Variants in GSDMB observed in about 807,000 individuals in gnomAD.
GSDMB encodes the protein gasdermin-B.
Under a neutral mutation model 42.9 loss-of-function variants are expected in GSDMB, and 32 were observed. The ratio of observed to expected loss-of-function variants is 0.75; its 90% CI spans 0.56 to 1.00. The LOEUF (loss-of-function observed/expected upper bound fraction) is 1.00, where lower values mean the gene tolerates loss of function less well. Among genes scored for constraint, GSDMB ranks in the 50% least tolerant of loss-of-function variants. GSDMB has a pLI of 0.00. For synonymous variants in GSDMB, 175 were observed against 193.7 expected (o/e 0.90, Z 0.80); for missense variants, 468 against 498.5 (o/e 0.94, Z 0.58).
rs1568101109 is a variant in GSDMB at position 39,906,279 on chromosome 17, G to A, written c.728-8C>T. 1.2e-6 allele frequency: 2 copies of A among 1,613,602 alleles called. No individual in the cohort carries two copies. Among genetic ancestry groups the A allele is most frequent in the East Asian group, 2.2e-5 (1 of 44,886 alleles). ...CCGAACCCAAAGACTTTCCTGTAGA[G>A]GCAGCAATTGAGAACCTGGGCCACC... On this transcript the variant is annotated splice_region_variant and splice_polypyrimidine_tract_variant and intron_variant, in intron 7 of 10. Coordinates refer to ENST00000418519, the MANE Select transcript of GSDMB (RefSeq NM_001165958.2).
intron 1 of GSDMB, 71 bp from the exon 2 acceptor site, chr17:39,917,401 T>C (rs755814516): frequency 2.1e-5 from 19 of 922,448 alleles, no homozygotes; most frequent in Admixed American, 1.1e-4. Context: ...CTTCCACATT[T>C]GGCAGCCTGA....
chr17:39,915,003 AT>A (rs1320974344), intron 2 of GSDMB, among the ~76,000 whole-genome samples: 1 of 151,824 alleles, frequency 6.6e-6, no homozygotes, highest in African/African-American at 2.4e-5. Flanking sequence ...CGCCCAGCTA[AT>A]TTTTGTATTT....
At chr17:39,915,169 G>A (rs1038191614) in intron 2 of GSDMB, among the ~76,000 whole-genome samples, 2 of 151,920 alleles carry the variant, frequency 1.3e-5, no homozygotes, top group African/African-American at 2.4e-5. Context: ...ACAGGGTTTC[G>A]CCATGTTGGC....
chr17:39,909,478 C>T, intron 4 of GSDMB: 2 of 416,878 alleles, frequency 4.8e-6, no homozygotes, highest in Non-Finnish European at 4.3e-6. Context: ...GGGTGGATTG[C>T]TTGAGCCCAG....
intron 10 of GSDMB, 185 bp from the exon 11 acceptor site, chr17:39,905,149 T>A (rs1419038060): frequency 4.8e-6 from 3 of 621,716 alleles, no homozygotes; most frequent in African/African-American, 3.7e-5. Flanking sequence ...TGCTAGTCAG[T>A]CTGCATGGGA....
At chr17:39,917,698 T>C (rs978000072) in intron 1 of GSDMB, 7 of 259,440 alleles carry the variant, frequency 2.7e-5, no homozygotes, top group Non-Finnish European at 4.6e-5. Context: ...CCCAAACATA[T>C]AAGAACTAAT....
chr17:39,908,324 CAAAA>C (rs3076830), intron 5 of GSDMB, 110 bp from the exon 6 acceptor site: 5,551 of 243,466 alleles, frequency 0.023, no homozygotes, highest in South Asian at 0.036. Flanking sequence ...AGCCTCCAAT[CAAAA>C]AAAAAAAAAA....
chr17:39,910,029 C>A, intron 3 of GSDMB, 105 bp from the exon 4 acceptor site: 1 of 876,166 alleles, frequency 1.1e-6, no homozygotes. Context: ...TTAATCGCTT[C>A]TGAGACTGGA....
At chr17:39,905,234 A>G in intron 10 of GSDMB, 192 bp downstream of exon 10, 1 of 608,094 alleles carries the variant, frequency 1.6e-6, no homozygotes, top group Non-Finnish European at 2.9e-6. Context: ...TAAAAAACAG[A>G]GCCTAAAGAA....
At chr17:39,915,894 G>A (rs950164982) in intron 2 of GSDMB, among the ~76,000 whole-genome samples, 2 of 152,142 alleles carry the variant, frequency 1.3e-5, no homozygotes, top group African/African-American at 4.8e-5. Flanking sequence ...GAAATGGACT[G>A]TATCAGAGAG....
rs775402822 is a variant in GSDMB at position 39,908,157 on chromosome 17, A to AACC, written c.700+18_700+19insGGT. 2.1e-6 allele frequency: 3 copies of AACC among 1,397,214 alleles called. No homozygotes were observed. In the African/African-American group the frequency reaches 4.2e-5, roughly 20 times the overall value. 86.6% of individuals were successfully genotyped at this position (1,397,214 alleles called of 1,614,324 possible). ...GCCCATTCTGAAATGACGAACGGGA[A>AACC]GCCCAGCAGCTCACTCACCTTCTGG... On this transcript the variant is annotated intron_variant, in intron 6 of 10. Transcript: ENST00000418519.
chr17:39,905,004 C>T (rs762799494), intron 10 of GSDMB, 40 bp from the exon 11 acceptor site: 34 of 1,573,974 alleles, frequency 2.2e-5, no homozygotes, highest in Non-Finnish European at 2.6e-5. Flanking sequence ...CTAGGAACAA[C>T]GATATACCAG....
Position 39,906,141 on chromosome 17 carries a change from C to T in GSDMB, c.858G>A (p.Lys286=). The change falls in exon 8 of 11, where the codon AAG becomes AAA. Residue 286 remains lysine (K), a synonymous_variant. Transcript: ENST00000418519. ...GCTCTAGATCCTGCCGAATATCCTC[C>T]TTGCCGAGGCACTTAGCGAGGGAGT... ...VLNSLAKCLG[K]EDIRQDLEQR... is the part of the protein sequence containing the mutation. 3 of 1,614,186 alleles carry T rather than the reference C, an allele frequency of 1.9e-6. No individual in the cohort carries two copies. Among genetic ancestry groups the T allele is most frequent in the Non-Finnish European group, 2.5e-6 (3 of 1,180,028 alleles).
At chr17:39,905,306 A>G in intron 10 of GSDMB, 120 bp downstream of exon 10, 1 of 699,250 alleles carries the variant, frequency 1.4e-6, no homozygotes, top group Non-Finnish European at 2.5e-6. Context: ...AGCTGCATGG[A>G]TGTGAGCCGG....
At chr17:39,914,657 G>A (rs994518089) in intron 2 of GSDMB, among the ~76,000 whole-genome samples, 20 of 150,714 alleles carry the variant, frequency 1.3e-4, no homozygotes, top group African/African-American at 4.6e-4. Flanking sequence ...CAGCTACTCG[G>A]GAGGCTGAGG....
In GSDMB at chr17:39,908,372, T is replaced by C. The variant is rs1051356705; in HGVS notation, c.662-158A>G. 1.8e-5 allele frequency: 10 copies of C among 547,916 alleles called. No individual in the cohort carries two copies. In the African/African-American group the frequency reaches 2.3e-4, roughly 12 times the overall value. 33.9% of individuals were successfully genotyped at this position (547,916 alleles called of 1,614,324 possible). A position where few individuals can be genotyped will look rare whatever the true frequency, so the allele number is the denominator to read the frequency against. On this transcript the variant is annotated intron_variant, in intron 5 of 10. Coordinates refer to ENST00000418519, the MANE Select transcript of GSDMB (RefSeq NM_001165958.2). Reference sequence around the variant, plus strand: ...AACTGTTTTTTGTTTTTGTTTTTGTTTTTTGTTTTTTGTTTTTTGTTTTTG... The same window carrying C: ...AACTGTTTTTTGTTTTTGTTTTTGTCTTTTGTTTTTTGTTTTTTGTTTTTG...
intron 6 of GSDMB, chr17:39,907,854 T>G (rs76813990): frequency 3.5e-6 from 1 of 286,726 alleles, no homozygotes; most frequent in Non-Finnish European, 6.6e-6. Context: ...AGGACCCTTT[T>G]CACAGCCAGT....
intron 1 of GSDMB, chr17:39,918,070 C>T (rs534518916): frequency 6.6e-6 from 1 of 152,260 alleles, no homozygotes; most frequent in South Asian, 2.1e-4. Context: ...TTCCAAGGGG[C>T]CCAAGGGATG....
Position 39,904,706 on chromosome 17 carries a change from G to T in GSDMB, c.*106C>A. ...TACATCAAAGAATGGTTGGCTGCTT[G>T]TTTTAAAGAGGTCCCACTGGTGACA... On this transcript the variant is annotated 3_prime_UTR_variant, in exon 11 of 11. Coordinates refer to ENST00000418519, the MANE Select transcript of GSDMB (RefSeq NM_001165958.2). The T allele has an allele frequency of 1.1e-6, 1 of 916,124 alleles. No individual in the cohort carries two copies. Among genetic ancestry groups the T allele is most frequent in the Non-Finnish European group, 1.7e-6 (1 of 590,572 alleles). The allele number at this position is 916,124 out of a possible 1,614,324, so 56.7% of individuals were successfully genotyped here. A position where few individuals can be genotyped will look rare whatever the true frequency, so the allele number is the denominator to read the frequency against.
Sources: gnomAD v4.1 joint callset for allele counts (sites outside exome capture counted in the v4.1 genomes callset) on GRCh38, gnomAD v4.1.1 for gene constraint, MANE v1.5 for transcripts, NCBI Gene and HGNC (gene_info 2026-07-23, HGNC 2026-07-21) for gene names.